PPP2R5A: variants seen among roughly 807,000 people sequenced by gnomAD.
The protein encoded by PPP2R5A is serine/threonine-protein phosphatase 2A 56 kDa regulatory subunit alpha isoform.
A neutral mutation model predicts 64.2 loss-of-function variants in PPP2R5A; 25 were observed. The observed-to-expected ratio is 0.39, with a 90% CI of 0.28 to 0.54. The LOEUF (loss-of-function observed/expected upper bound fraction) is 0.54. PPP2R5A is among the 20% of genes least tolerant of loss of function. The pLI is 0.67. For missense variants in PPP2R5A, 425 were observed against 576.3 expected (o/e 0.74, Z 2.69); for synonymous variants, 198 against 201.2 (o/e 0.98, Z 0.13).
intron 12 of PPP2R5A, among the ~76,000 whole-genome samples, chr1:212,359,156 TG>T (rs1243889514): frequency 6.6e-6 from 1 of 152,384 alleles, no homozygotes; most frequent in Middle Eastern, 3.4e-3. Flanking sequence ...TAATTTATGC[TG>T]AATTTTAAAT....
At chr1:212,309,409 T>A in intron 1 of PPP2R5A, 1 of 1,356,794 alleles carries the variant, frequency 7.4e-7, no homozygotes, top group Non-Finnish European at 1.0e-6. Context: ...GATCTTCTTT[T>A]TTTTGTGGCT....
intron 1 of PPP2R5A, among the ~76,000 whole-genome samples, chr1:212,308,453 G>A (rs1658961529): frequency 6.9e-6 from 1 of 144,724 alleles, no homozygotes; most frequent in South Asian, 2.2e-4. Flanking sequence ...CTGTTGCCCA[G>A]GCTGGAGTAT....
At chr1:212,288,723 T>C (rs1453121176) in intron 1 of PPP2R5A, among the ~76,000 whole-genome samples, 2 of 152,214 alleles carry the variant, frequency 1.3e-5, no homozygotes, top group African/African-American at 4.8e-5. Flanking sequence ...TTTTTCCATT[T>C]GTGGCCTTCA....
At chr1:212,334,914 T>G (rs943984067) in intron 3 of PPP2R5A, among the ~76,000 whole-genome samples, 1 of 152,190 alleles carries the variant, frequency 6.6e-6, no homozygotes, top group Non-Finnish European at 1.5e-5. Flanking sequence ...CAATTAGAAT[T>G]CATTATGTAA....
Position 212,350,654 on chromosome 1 carries a change from C to CAA in PPP2R5A, c.927+1422_927+1423dup, listed in dbSNP as rs11372024. 2.1e-4 allele frequency among the ~76,000 whole-genome samples: 29 copies of CAA among 136,776 alleles called. No homozygotes were observed. In the South Asian group the frequency reaches 2.5e-3, roughly 12 times the overall value. 89.7% of individuals were successfully genotyped at this position (136,776 alleles called of 152,430 possible). A position where few individuals can be genotyped will look rare whatever the true frequency, so the allele number is the denominator to read the frequency against. On this transcript the variant is annotated intron_variant, in intron 8 of 12. Coordinates refer to ENST00000261461, the MANE Select transcript of PPP2R5A (RefSeq NM_006243.4). Reference sequence around the variant, plus strand: ...GGGCAACAGAGTGAGACTCTGTCTTCAAAAAAAAAAAGAAAAAAGTAAAAC... The same window carrying CAA: ...GGGCAACAGAGTGAGACTCTGTCTTCAAAAAAAAAAAAAGAAAAAAGTAAAAC...
intron 4 of PPP2R5A, among the ~76,000 whole-genome samples, chr1:212,344,510 A>C (rs985583050): frequency 6.6e-6 from 1 of 152,238 alleles, no homozygotes; most frequent in Non-Finnish European, 1.5e-5. Flanking sequence ...AAAATGGAAT[A>C]AGAACTTCTG....
intron 2 of PPP2R5A, among the ~76,000 whole-genome samples, chr1:212,329,771 G>T (rs543319037): frequency 2.6e-5 from 4 of 152,084 alleles, no homozygotes; most frequent in Admixed American, 6.6e-5. Context: ...TCAGCCTCCC[G>T]AGTAGCTGGG....
intron 1 of PPP2R5A, among the ~76,000 whole-genome samples, chr1:212,320,017 C>A (rs377638269): frequency 7.0e-6 from 1 of 143,540 alleles, no homozygotes; most frequent in Non-Finnish European, 1.5e-5. Flanking sequence ...GGCAGGGTCA[C>A]AGGACAATAG....
At position 212,329,213 on chromosome 1, in the gene PPP2R5A, CTG is replaced by C; in HGVS notation, c.262_263del (p.Val88PhefsTer9). ...TGTATACTGTTTGATTTCATGGACT[CTG>C]TTTCAGACTTGAAGAGCAAAGAAAT... On this transcript the variant is annotated frameshift_variant, in exon 2 of 13. Coordinates refer to ENST00000261461, the MANE Select transcript of PPP2R5A (RefSeq NM_006243.4). LOFTEE classifies it high-confidence loss of function. 1 of 1,613,412 alleles carries C rather than the reference CTG, an allele frequency of 6.2e-7. No homozygotes were observed. The highest frequency in any genetic ancestry group is 1.3e-5 in the African/African-American group (1 of 75,000).
intron 1 of PPP2R5A, among the ~76,000 whole-genome samples, chr1:212,303,591 G>A (rs1658839258): frequency 6.6e-6 from 1 of 151,862 alleles, no homozygotes; most frequent in Non-Finnish European, 1.5e-5. Flanking sequence ...TGCTTTTGGA[G>A]TCATTTCTAA....
At chr1:212,309,489 A>G in intron 1 of PPP2R5A, 1 of 789,294 alleles carries the variant, frequency 1.3e-6, no homozygotes, top group South Asian at 1.3e-5. Flanking sequence ...TAGAAGGGGC[A>G]GGAGCTTCCT....
Position 212,361,024 on chromosome 1 carries a change from C to T in PPP2R5A, c.*254C>T, listed in dbSNP as rs1242541128. The T allele has an allele frequency of 3.7e-6, 1 of 269,322 alleles. No homozygotes were observed. Among genetic ancestry groups the T allele is most frequent in the Non-Finnish European group, 6.9e-6 (1 of 143,982 alleles). The allele number at this position is 269,322 out of a possible 1,614,324, so 16.7% of individuals were successfully genotyped here. A position where few individuals can be genotyped will look rare whatever the true frequency, so the allele number is the denominator to read the frequency against. Reference sequence around the variant, plus strand: ...TTTCACAGAAATGAATGAATTTTATCATCTATGATATGAGTGAGATAATTA... The same window carrying T: ...TTTCACAGAAATGAATGAATTTTATTATCTATGATATGAGTGAGATAATTA... On this transcript the variant is annotated 3_prime_UTR_variant, in exon 13 of 13. Coordinates refer to ENST00000261461, the MANE Select transcript of PPP2R5A (RefSeq NM_006243.4).
At chr1:212,297,831 TA>T (rs1479396399) in intron 1 of PPP2R5A, 2 of 17,156 alleles carry the variant, frequency 1.2e-4, no homozygotes, top group Non-Finnish European at 2.1e-4. Context: ...TTTTCTTTTT[TA>T]TTTTTATTGA....
intron 3 of PPP2R5A, among the ~76,000 whole-genome samples, chr1:212,334,443 T>C (rs757971458): frequency 6.6e-6 from 1 of 152,040 alleles, no homozygotes; most frequent in Non-Finnish European, 1.5e-5. Flanking sequence ...TACAGATGTG[T>C]GACACTACAC....
intron 3 of PPP2R5A, among the ~76,000 whole-genome samples, chr1:212,337,673 C>G (rs1309881098): frequency 1.3e-5 from 2 of 151,976 alleles, no homozygotes; most frequent in Admixed American, 1.3e-4. Context: ...ATTGCTTTGG[C>G]CTTTTTCATT....
intron 3 of PPP2R5A, among the ~76,000 whole-genome samples, chr1:212,340,837 G>A (rs78333333): frequency 1.2e-3 from 187 of 152,284 alleles, no homozygotes; most frequent in African/African-American, 4.3e-3. Context: ...GTTACTTGGT[G>A]AATGATAAGG....
chr1:212,330,780 A>T (rs1026302622), intron 2 of PPP2R5A, among the ~76,000 whole-genome samples: 9 of 151,856 alleles, frequency 5.9e-5, no homozygotes, highest in African/African-American at 2.2e-4. Flanking sequence ...GTAGTATAAG[A>T]CCTCTCAAAA....
intron 3 of PPP2R5A, among the ~76,000 whole-genome samples, chr1:212,335,497 A>G (rs567182563): frequency 6.6e-6 from 1 of 151,872 alleles, no homozygotes; most frequent in Non-Finnish European, 1.5e-5. Context: ...AAGAAAAAAG[A>G]TGAGAGAAAG....
chr1:212,294,743 T>G (rs559880169), intron 1 of PPP2R5A, among the ~76,000 whole-genome samples: 10 of 152,320 alleles, frequency 6.6e-5, no homozygotes, highest in African/African-American at 2.4e-4. Flanking sequence ...TTGCAATTAA[T>G]GTGTTCAGTG....
Sources: gnomAD v4.1 joint callset for allele counts (sites outside exome capture counted in the v4.1 genomes callset) on GRCh38, gnomAD v4.1.1 for gene constraint, MANE v1.5 for transcripts, NCBI Gene and HGNC (gene_info 2026-07-23, HGNC 2026-07-21) for gene names.